The following RUVBL1 variants were observed in gnomAD, a reference collection of about 807,000 sequenced individuals.
RUVBL1 encodes the protein RuvB like AAA ATPase 1, also known as ruvB-like 1.
In RUVBL1, 4 loss-of-function variants were observed where a neutral mutation model predicts 52.4. That is an observed-to-expected ratio of 0.08 (90% CI 0.04 to 0.17). RUVBL1 has a LOEUF of 0.17. RUVBL1 is among the 10% of genes least tolerant of loss of function. The probability of loss-of-function intolerance (pLI) is 1.00; values close to 1 mark genes in which losing one functional copy is unlikely to be tolerated. For synonymous variants in RUVBL1, 217 were observed against 214.4 expected (o/e 1.01, Z -0.10); for missense variants, 298 against 572.8 (o/e 0.52, Z 4.90).
In RUVBL1 at chr3:128,067,257, G is replaced by A. The variant is rs1486674914; in HGVS notation, c.940-2037C>T. 25 of 1,348,810 alleles carry A rather than the reference G, an allele frequency of 1.9e-5. No homozygotes were observed. The highest frequency in any genetic ancestry group is 1.9e-5 in the Admixed American group (1 of 52,602). The allele number at this position is 1,348,810 out of a possible 1,614,324, so 83.6% of individuals were successfully genotyped here. ...ATTTCATCCAAAGATATTTTCCATT[G>A]TGCCTTTTACAAATTCAGCACATTA... On this transcript the variant is annotated intron_variant, in intron 9 of 9. Coordinates refer to the RUVBL1 transcript ENST00000464873. This position sits in a 1 kb window ranked among gnomAD's most constrained non-coding sequence, Gnocchi z 4.1.
At chr3:128,112,326 C>A (rs1318659723) in intron 3 of RUVBL1, among the ~76,000 whole-genome samples, 1 of 152,190 alleles carries the variant, frequency 6.6e-6, no homozygotes, top group Non-Finnish European at 1.5e-5. Flanking sequence ...TCTTCAAATG[C>A]GAAATGTAGA....
chr3:128,069,411 G>C (rs1942085733), intron 9 of RUVBL1: 3 of 1,508,004 alleles, frequency 2.0e-6, no homozygotes, highest in Non-Finnish European at 2.7e-6. Context: ...AGGTGAGCCT[G>C]TTGGCCGCCT....
intron 9 of RUVBL1, among the ~76,000 whole-genome samples, chr3:128,086,099 C>T (rs758226039): frequency 2.5e-4 from 38 of 152,182 alleles, no homozygotes; most frequent in African/African-American, 7.7e-4. Flanking sequence ...TGGGCTAAAG[C>T]GATCCTCTCA....
rs748047032 is a variant in RUVBL1 at position 128,097,454 on chromosome 3, C to T, written c.862G>A (p.Asp288Asn). 46 of 1,614,152 alleles carry T rather than the reference C, an allele frequency of 2.8e-5. No homozygotes were observed. Among genetic ancestry groups the T allele is most frequent in the Non-Finnish European group, 3.6e-5 (42 of 1,180,044 alleles). The change falls in exon 8 of 11, where the codon GAC (aspartate) becomes AAC (asparagine). Residue 288 changes from aspartate (D) to asparagine (N), a missense_variant. By Grantham distance (23) the Asp-to-Asn change is conservative (BLOSUM62 1). Coordinates refer to ENST00000322623, the MANE Select transcript of RUVBL1 (RefSeq NM_003707.3). ...EINKVVNKYI[D>N]QGIAELVPGV... is the part of the protein sequence containing the mutation. ...GGGACCAGCTCAGCAATGCCCTGGT[C>T]GATGTACTTGTTCACCACCTTATTA...
At chr3:128,092,329 AAAC>A (rs1942860858) in intron 8 of RUVBL1, among the ~76,000 whole-genome samples, 2 of 152,226 alleles carry the variant, frequency 1.3e-5, no homozygotes, top group African/African-American at 2.4e-5. Context: ...CCAGAAACAC[AAAC>A]AACAAAAGAA....
At chr3:128,090,757 T>A (rs538535488) in intron 8 of RUVBL1, among the ~76,000 whole-genome samples, 1 of 152,356 alleles carries the variant, frequency 6.6e-6, no homozygotes, top group South Asian at 2.1e-4. Context: ...TTTAGTTTTT[T>A]AATTCTATTT....
At chr3:128,148,072 T>C (rs940716466) in intron 1 of RUVBL1, among the ~76,000 whole-genome samples, 5 of 152,046 alleles carry the variant, frequency 3.3e-5, no homozygotes, top group Admixed American at 1.3e-4. Flanking sequence ...AGAACATAGA[T>C]AACTATCTGC....
chr3:128,150,403 G>A (rs1474375184), intron 1 of RUVBL1, among the ~76,000 whole-genome samples: 1 of 151,206 alleles, frequency 6.6e-6, no homozygotes, highest in Non-Finnish European at 1.5e-5. Flanking sequence ...TTCTGAGTCA[G>A]AGATAATGTT....
At chr3:128,073,891 G>A (rs1223654345) in intron 9 of RUVBL1, among the ~76,000 whole-genome samples, 1 of 152,220 alleles carries the variant, frequency 6.6e-6, no homozygotes, top group African/African-American at 2.4e-5. Flanking sequence ...CCTGTGGAAA[G>A]GAACTAGGAG....
intron 9 of RUVBL1, chr3:128,066,817 G>C (rs1055539554): frequency 1.3e-6 from 1 of 752,058 alleles, no homozygotes; most frequent in South Asian, 1.8e-5. Flanking sequence ...ACAAGCTCTC[G>C]GAACTGGGAG....
At position 128,069,761 on chromosome 3, in the gene RUVBL1, A is replaced by T. The variant is rs965990256; in HGVS notation, c.940-4541T>A. On this transcript the variant is annotated intron_variant, in intron 9 of 9. Coordinates refer to the RUVBL1 transcript ENST00000464873. ...CTGCTGCGGCATATGGACTTTTAAT[A>T]ATGTTTTTGAATTTCGTATTCTTTC... 2.7e-5 allele frequency: 26 copies of T among 963,862 alleles called. No individual in the cohort carries two copies. In the African/African-American group the frequency reaches 4.3e-4, roughly 16 times the overall value. The allele number at this position is 963,862 out of a possible 1,614,324, so 59.7% of individuals were successfully genotyped here. A position where few individuals can be genotyped will look rare whatever the true frequency, so the allele number is the denominator to read the frequency against.
intron 9 of RUVBL1, chr3:128,066,847 G>A (rs1011208838): frequency 1.6e-4 from 169 of 1,059,558 alleles, no homozygotes; most frequent in Middle Eastern, 9.1e-4. Flanking sequence ...CAGCACACAG[G>A]ATTTCCTCCC....
In RUVBL1 at chr3:128,123,439, C is replaced by T. The variant is rs2107722363; in HGVS notation, c.141+145G>A. ...CTCCAGGGCGGCGCCCCTCCCCGAG[C>T]CCCTGGCCCATTTTCACTTCCCTGA... On this transcript the variant is annotated intron_variant, in intron 1 of 10. Coordinates refer to ENST00000322623, the MANE Select transcript of RUVBL1 (RefSeq NM_003707.3). The T allele has an allele frequency of 5.6e-6, 6 of 1,062,386 alleles. No homozygotes were observed. In the East Asian group the frequency reaches 8.5e-5, roughly 15 times the overall value. The allele number at this position is 1,062,386 out of a possible 1,614,324, so 65.8% of individuals were successfully genotyped here. A position where few individuals can be genotyped will look rare whatever the true frequency, so the allele number is the denominator to read the frequency against.
At position 128,067,929 on chromosome 3, in the gene RUVBL1, C is replaced by A; in HGVS notation, c.940-2709G>T. 1 of 1,392,590 alleles carries A rather than the reference C, an allele frequency of 7.2e-7. No homozygotes were observed. The highest frequency in any genetic ancestry group is 1.2e-5 in the South Asian group (1 of 86,576). 86.3% of individuals were successfully genotyped at this position (1,392,590 alleles called of 1,614,324 possible). A position where few individuals can be genotyped will look rare whatever the true frequency, so the allele number is the denominator to read the frequency against. Reference sequence around the variant, plus strand: ...TAACTGTTCAGTACCACTTGGAATGCCTATTTCCCCTTCAGCCTCCAATTC... The same window carrying A: ...TAACTGTTCAGTACCACTTGGAATGACTATTTCCCCTTCAGCCTCCAATTC... On this transcript the variant is annotated intron_variant, in intron 9 of 9. Transcript: ENST00000464873. This position sits in a 1 kb window ranked among gnomAD's most constrained non-coding sequence, Gnocchi z 4.1.
chr3:128,146,439 T>A (rs1233191045), intron 1 of RUVBL1, among the ~76,000 whole-genome samples: 1 of 150,572 alleles, frequency 6.6e-6, no homozygotes, highest in African/African-American at 2.5e-5. Context: ...TGCACGGGCG[T>A]GTGCATGTGC....
chr3:128,107,804 T>C (rs560614475), intron 3 of RUVBL1, among the ~76,000 whole-genome samples: 5 of 152,370 alleles, frequency 3.3e-5, no homozygotes, highest in Non-Finnish European at 5.9e-5. Flanking sequence ...TCCTGTACTT[T>C]TAAAGTGAAC....
At chr3:128,065,732 A>ATTTTTTTTTTTTTTTTTTTTT in intron 9 of RUVBL1, among the ~76,000 whole-genome samples, 1 of 97,508 alleles carries the variant, frequency 1.0e-5, no homozygotes, top group East Asian at 3.0e-4. Flanking sequence ...ATCATTAAGA[A>ATTTTTTTTTTTTTTTTTTTTT]TTTTTTTTTT....
intron 1 of RUVBL1, among the ~76,000 whole-genome samples, chr3:128,119,685 AG>A (rs1156875247): frequency 6.6e-6 from 1 of 152,232 alleles, no homozygotes; most frequent in Admixed American, 6.5e-5. Context: ...GGATGATGAG[AG>A]AGAACGAGTG....
At chr3:128,091,525 A>G (rs1297554893) in intron 8 of RUVBL1, among the ~76,000 whole-genome samples, 2 of 152,226 alleles carry the variant, frequency 1.3e-5, no homozygotes, top group Non-Finnish European at 2.9e-5. Context: ...CTCCAGATAG[A>G]CAGTTTGGAG....
Sources: allele counts gnomAD v4.1 joint callset (sites outside exome capture counted in the v4.1 genomes callset), GRCh38; gene constraint gnomAD v4.1.1; non-coding constraint Gnocchi (gnomAD v3.1); transcripts MANE v1.5; gene names NCBI Gene and HGNC (gene_info 2026-07-23, HGNC 2026-07-21).